The following UNC45A variants were observed in gnomAD, a reference collection of about 807,000 sequenced individuals.
The protein encoded by UNC45A is unc-45 myosin chaperone A.
Under a neutral mutation model 103.2 loss-of-function variants are expected in UNC45A, and 78 were observed. The ratio of observed to expected loss-of-function variants is 0.76; its 90% CI spans 0.63 to 0.91. The LOEUF (loss-of-function observed/expected upper bound fraction) is 0.91, where lower values mean the gene tolerates loss of function less well. Among genes scored for constraint, UNC45A ranks in the 40% least tolerant of loss-of-function variants. The pLI, the probability that UNC45A is intolerant of heterozygous loss-of-function variation, is 0.00. For synonymous variants in UNC45A, 495 were observed against 504.6 expected, an observed-to-expected ratio of 0.98 and a Z score of 0.25; for missense variants, 1,193 against 1,224.8, an observed-to-expected ratio of 0.97 and a Z score of 0.39.
chr15:90,939,569 G>A (rs1452861053), intron 4 of UNC45A, among the ~76,000 whole-genome samples, 162 bp from the exon 5 acceptor site: 1 of 152,210 alleles, frequency 6.6e-6, no homozygotes, highest in Non-Finnish European at 1.5e-5. Flanking sequence ...AGGAGGCACT[G>A]CCAGGCAAGT....
At chr15:90,935,496 C>A in intron 1 of UNC45A, 48 bp from the exon 2 acceptor site, 1 of 1,574,938 alleles carries the variant, frequency 6.3e-7, no homozygotes, top group South Asian at 1.2e-5. Context: ...AGCTCCCGGG[C>A]TCTGCCCCGA....
rs966732163 is a variant in UNC45A, at chr15:90,953,020, A to G, written c.2395A>G (p.Met799Val). ...GATCCGCCGGGCAGCCACGGAGTGC[A>G]TGTGTAACTTGGCCATGAGCAAGGA... ...EMIRRAATEC[M>V]CNLAMSKEVQ... Residue 799 changes from methionine (M) to valine (V), a missense_variant, in exon 18 of 20, where the codon ATG becomes GTG. Transcript: ENST00000418476. The G allele has an allele frequency of 2.0e-5, 32 of 1,613,476 alleles. No individual in the cohort carries two copies. Among genetic ancestry groups the G allele is most frequent in the East Asian group, 2.2e-5 (1 of 44,888 alleles).
rs750219731 is a variant in UNC45A at position 90,952,923 on chromosome 15, C to T, written c.2304-6C>T. 1 of 1,611,852 alleles carries T rather than the reference C, an allele frequency of 6.2e-7. No homozygotes were observed. The highest frequency in any genetic ancestry group is 1.7e-5 in the Admixed American group (1 of 60,008). The stretch of plus-strand genomic sequence containing the variant: ...ATCCCTGCTGCTTCCTCCTGTGGCC[C>T]TGCAGGCAGAAGATCCTGAAGGAGA... On this transcript the variant is annotated splice_polypyrimidine_tract_variant and splice_region_variant and intron_variant, in intron 17 of 19. Transcript: ENST00000418476.
At chr15:90,937,548 G>A (rs2036083006) in intron 4 of UNC45A, among the ~76,000 whole-genome samples, 1 of 149,872 alleles carries the variant, frequency 6.7e-6, no homozygotes, top group Non-Finnish European at 1.5e-5. Flanking sequence ...GTGCAGTGGT[G>A]CGAACTTGGC....
rs2035946854 is a variant in UNC45A, at chr15:90,935,337, G to T, written c.13G>T (p.Gly5Cys). The stretch of plus-strand genomic sequence containing the variant: ...CAACCTCTCCGCGATGACTGTGAGT[G>T]GTCCAGGGACCCCCGAGCCCCGGCC... MTVS[G>C]PGTPEPRPAT... Residue 5 changes from glycine (G) to cysteine (C), a missense_variant, in exon 1 of 20, where the codon GGT becomes TGT. Physicochemically the swap from Gly to Cys is radical, Grantham distance 159. Transcript: ENST00000418476. The T allele has an allele frequency of 6.2e-7, 1 of 1,604,794 alleles. No individual in the cohort carries two copies. Among genetic ancestry groups the T allele is most frequent in the Non-Finnish European group, 8.5e-7 (1 of 1,177,010 alleles).
rs1596239459 is a variant in UNC45A, at chr15:90,949,737, A to G, written c.2073+17A>G. 1 of 1,613,234 alleles carries G rather than the reference A, an allele frequency of 6.2e-7. No homozygotes were observed. On this transcript the variant is annotated intron_variant, in intron 15 of 19. Coordinates refer to ENST00000418476, the MANE Select transcript of UNC45A (RefSeq NM_018671.5). ...GGCGGCAGGGTAAGCTGGTTTACAC[A>G]CCCCTTCCTGATGGCTGAGCCATCA...
intron 6 of UNC45A, among the ~76,000 whole-genome samples, chr15:90,941,850 T>C (rs1196703803): frequency 2.6e-5 from 4 of 151,036 alleles, no homozygotes; most frequent in Non-Finnish European, 4.4e-5. Context: ...TCCCAGTTAC[T>C]CAGGAGGCTG....
In UNC45A at chr15:90,940,381, C is replaced by A; in HGVS notation, c.595C>A (p.Leu199Ile). 5 of 1,614,170 alleles carry A rather than the reference C, an allele frequency of 3.1e-6. No individual in the cohort carries two copies. The highest frequency in any genetic ancestry group is 4.2e-6 in the Non-Finnish European group (5 of 1,180,012). The part of the protein sequence containing the change: ...EKIFRSNGVQ[L>I]LQRLLDMGET... ...GATCTTCCGGAGTAATGGGGTTCAG[C>A]TCTTGCAACGTTTACTGGACATGGG... Residue 199 changes from leucine (L) to isoleucine (I), a missense_variant, in exon 6 of 20, where the codon CTC (leucine) becomes ATC (isoleucine). Leu to Ile is a conservative substitution (Grantham distance 5). Coordinates refer to ENST00000418476, the MANE Select transcript of UNC45A (RefSeq NM_018671.5).
chr15:90,933,338 A>G (rs1260174874), upstream of UNC45A: 1 of 152,360 alleles, frequency 6.6e-6, no homozygotes, highest in Non-Finnish European at 1.5e-5. Context: ...AGGCCTGGGT[A>G]GGCACTGGAA....
At chr15:90,942,724 G>A in intron 7 of UNC45A, 119 bp downstream of exon 7, 1 of 1,547,440 alleles carries the variant, frequency 6.5e-7, no homozygotes, top group Non-Finnish European at 8.8e-7. Context: ...TTGGAATACG[G>A]TTTGGTGACA....
chr15:90,942,384 T>C (rs932008877), intron 6 of UNC45A, 53 bp from the exon 7 acceptor site: 4 of 1,552,594 alleles, frequency 2.6e-6, no homozygotes, highest in Middle Eastern at 2.3e-4. Flanking sequence ...GGGATCTCTG[T>C]GGCTGCCCTT....
At chr15:90,946,573 T>C (rs1482618305) in intron 9 of UNC45A, 41 bp from the exon 10 acceptor site, 19 of 1,545,384 alleles carry the variant, frequency 1.2e-5, no homozygotes, top group Admixed American at 5.6e-5. Flanking sequence ...AGTCCCTTTA[T>C]GTTGGCCTTG....
chr15:90,939,500 G>A (rs565130280), intron 4 of UNC45A, among the ~76,000 whole-genome samples: 75 of 152,302 alleles, frequency 4.9e-4, no homozygotes, highest in African/African-American at 1.7e-3. Flanking sequence ...CAGCATCGGC[G>A]CAGCCCCTGC....
upstream of UNC45A, chr15:90,932,044 G>C: frequency 1.2e-6 from 2 of 1,613,676 alleles, no homozygotes; most frequent in Non-Finnish European, 1.7e-6. Flanking sequence ...GCAGAGAAGG[G>C]GGAAAGTTAC....
chr15:90,953,643 C>G lies in UNC45A; in HGVS notation c.2762C>G (p.Thr921Arg), dbSNP rs545215877. 6.2e-7 allele frequency: 1 copy of G among 1,614,164 alleles called. No individual in the cohort carries two copies. Among genetic ancestry groups the G allele is most frequent in the Non-Finnish European group, 8.5e-7 (1 of 1,180,036 alleles). The change falls in exon 20 of 20, where the codon ACA becomes AGA. Residue 921 changes from threonine (T) to arginine (R), a missense_variant. Transcript: ENST00000418476. ...VLAKGDHSPVTRAAAACLDKA... is the reference protein window; with the variant it reads ...VLAKGDHSPVRRAAAACLDKA... ...GCTAAGGGTGACCACAGCCCTGTCA[C>G]AAGGGCTGCTGCAGCCTGCCTGGAC...
intron 4 of UNC45A, among the ~76,000 whole-genome samples, chr15:90,939,272 C>T (rs1274532044): frequency 3.3e-5 from 5 of 152,184 alleles, no homozygotes; most frequent in African/African-American, 4.8e-5. Flanking sequence ...GGAGCCACTG[C>T]GCCCAGCTCA....
At chr15:90,941,968 A>AT (rs1312989746) in intron 6 of UNC45A, among the ~76,000 whole-genome samples, 1 of 151,644 alleles carries the variant, frequency 6.6e-6, no homozygotes, top group Non-Finnish European at 1.5e-5. Flanking sequence ...CAAAAAAAAA[A>AT]AAAAAAAAGA....
intron 13 of UNC45A, 21 bp downstream of exon 13, chr15:90,948,815 C>A (rs1441702800): frequency 1.9e-6 from 3 of 1,574,954 alleles, no homozygotes; most frequent in Non-Finnish European, 2.6e-6. Flanking sequence ...GCCAGAGGGG[C>A]TAGAGGGTTC....
In UNC45A at chr15:90,946,823, G is replaced by T; in HGVS notation, c.1409G>T (p.Arg470Leu). ...ALIHAAGKAKRASFITANGVS... is the reference protein window; with the variant it reads ...ALIHAAGKAKLASFITANGVS... ...ATCCATGCAGCCGGCAAGGCTAAGC[G>T]GGCCTCATTCATCACTGCCAATGGT... Residue 470 changes from arginine to leucine, a missense_variant, in exon 10 of 20, where the codon CGG becomes CTG. By Grantham distance (102) the Arg-to-Leu change is moderately radical (BLOSUM62 -2). Transcript: ENST00000418476. The T allele has an allele frequency of 3.7e-6, 6 of 1,614,184 alleles. No homozygotes were observed. Among genetic ancestry groups the T allele is most frequent in the South Asian group, 3.3e-5 (3 of 91,084 alleles).
Sources: gnomAD v4.1 joint callset for allele counts (sites outside exome capture counted in the v4.1 genomes callset) on GRCh38, gnomAD v4.1.1 for gene constraint, MANE v1.5 for transcripts, NCBI Gene and HGNC (gene_info 2026-07-23, HGNC 2026-07-21) for gene names.